Variants in SLX9 observed in about 807,000 individuals in gnomAD.
SLX9 encodes the protein ribosome biogenesis protein SLX9 homolog.
SLX9 carries 19 observed loss-of-function variants against 20.8 expected under a neutral mutation model. The observed-to-expected ratio is 0.91, with a 90% CI of 0.64 to 1.34. The LOEUF (loss-of-function observed/expected upper bound fraction) is 1.34, where lower values mean the gene tolerates loss of function less well. SLX9 is among the 40% of genes most tolerant of loss of function. The pLI is 0.00. For missense variants in SLX9, 299 were observed against 322.2 expected (o/e 0.93, Z 0.55); for synonymous variants, 113 against 137.1 (o/e 0.82, Z 1.23).
Position 44,943,779 on chromosome 21 carries a change from T to G in SLX9, c.225T>G (p.Thr75=), listed in dbSNP as rs755561561. The change falls in exon 2 of 6, where the codon ACT becomes ACG. Residue 75 remains threonine (T), a synonymous_variant. Transcript: ENST00000291634. ...TGGAGCTGGACGTGAGGAGTGTCACTTCCGTCAGGAGAGGTGAGGCAGGCT... is the reference window on the plus strand; with the variant it reads ...TGGAGCTGGACGTGAGGAGTGTCACGTCCGTCAGGAGAGGTGAGGCAGGCT... ...QKLELDVRSV[T]SVRRGEAGSS... is the part of the protein sequence containing the mutation. 1.9e-6 allele frequency: 3 copies of G among 1,614,100 alleles called. No homozygotes were observed. Among genetic ancestry groups the G allele is most frequent in the Non-Finnish European group, 2.5e-6 (3 of 1,180,020 alleles).
chr21:44,971,263 A>G (rs1407286464), intron 4 of SLX9, among the ~76,000 whole-genome samples: 2 of 152,090 alleles, frequency 1.3e-5, no homozygotes, highest in Non-Finnish European at 2.9e-5. Context: ...TTAGGCTCCA[A>G]TTCCTCCTCG....
intron 2 of SLX9, among the ~76,000 whole-genome samples, chr21:44,944,877 G>T (rs1388617605): frequency 6.6e-6 from 1 of 152,248 alleles, no homozygotes; most frequent in Non-Finnish European, 1.5e-5. Flanking sequence ...CTTTGCATCT[G>T]TCAAAGGAGG....
At chr21:44,969,664 C>G (rs1462886387) in intron 4 of SLX9, among the ~76,000 whole-genome samples, 1 of 152,240 alleles carries the variant, frequency 6.6e-6, no homozygotes, top group African/African-American at 2.4e-5. Flanking sequence ...CCCCCGTCCC[C>G]GCATGCTGTT....
At chr21:44,955,713 C>T (rs1379237457) in intron 2 of SLX9, among the ~76,000 whole-genome samples, 3 of 152,196 alleles carry the variant, frequency 2.0e-5, no homozygotes, top group African/African-American at 7.2e-5. Flanking sequence ...TGTGTGTCTG[C>T]CCCTGCTGCT....
At chr21:44,962,460 C>G (rs1226022624) in intron 3 of SLX9, among the ~76,000 whole-genome samples, 1 of 152,188 alleles carries the variant, frequency 6.6e-6, no homozygotes, top group African/African-American at 2.4e-5. Context: ...TGCTTTTGCT[C>G]AGCGTAATGG....
At chr21:44,963,291 G>A (rs528464059) in intron 3 of SLX9, among the ~76,000 whole-genome samples, 3 of 151,728 alleles carry the variant, frequency 2.0e-5, no homozygotes, top group East Asian at 1.9e-4. Flanking sequence ...GGGTTTCACC[G>A]TGTTAGCAGG....
intron 2 of SLX9, among the ~76,000 whole-genome samples, chr21:44,954,273 G>T (rs558738465): frequency 3.3e-5 from 5 of 152,296 alleles, no homozygotes; most frequent in African/African-American, 1.2e-4. Context: ...TGCGTCTTCT[G>T]GCCGGTGGGT....
At chr21:44,975,019 A>G (rs1026086813) in intron 5 of SLX9, among the ~76,000 whole-genome samples, 6 of 152,144 alleles carry the variant, frequency 3.9e-5, no homozygotes, top group Non-Finnish European at 8.8e-5. Context: ...GGTTTCATCA[A>G]AGATGGAGTT....
At chr21:44,958,781 C>T (rs1046980402) in intron 2 of SLX9, among the ~76,000 whole-genome samples, 3 of 152,150 alleles carry the variant, frequency 2.0e-5, no homozygotes, top group African/African-American at 2.4e-5. Context: ...GCAGGAGCAG[C>T]GTGTTTGGTT....
chr21:44,974,371 C>T (rs2085223058), intron 5 of SLX9, among the ~76,000 whole-genome samples: 2 of 152,108 alleles, frequency 1.3e-5, no homozygotes, highest in Admixed American at 6.5e-5. Flanking sequence ...AAGCTGGTGT[C>T]GAATGGTAGC....
At chr21:44,961,201 G>A (rs2084944424) in intron 3 of SLX9, among the ~76,000 whole-genome samples, 1 of 152,086 alleles carries the variant, frequency 6.6e-6, no homozygotes, top group South Asian at 2.1e-4. Context: ...GTAATTCTTT[G>A]ATGATGTGTA....
At chr21:44,974,213 C>T (rs556676519) in intron 5 of SLX9, among the ~76,000 whole-genome samples, 3 of 151,346 alleles carry the variant, frequency 2.0e-5, no homozygotes, top group Non-Finnish European at 2.9e-5. Flanking sequence ...TTTGAAATGG[C>T]TTTACTCAGG....
At position 44,973,240 on chromosome 21, in the gene SLX9, A is replaced by C; in HGVS notation, c.544A>C (p.Ser182Arg). ...CCGGCCCTCAGAGCTCAGCCGGATGAGCGCAGCCCAGAGACAGCAGCTTCT... is the reference window on the plus strand; with the variant it reads ...CCGGCCCTCAGAGCTCAGCCGGATGCGCGCAGCCCAGAGACAGCAGCTTCT... ...KPRPSELSRM[S>R]AAQRQQLLEE... Residue 182 changes from serine to arginine, a missense_variant, in exon 5 of 6, where the codon AGC becomes CGC. Physicochemically the swap from Ser to Arg is moderately radical, Grantham distance 110. Coordinates refer to ENST00000291634, the MANE Select transcript of SLX9 (RefSeq NM_058190.4). The C allele has an allele frequency of 1.2e-6, 2 of 1,612,774 alleles. No individual in the cohort carries two copies. The highest frequency in any genetic ancestry group is 1.7e-6 in the Non-Finnish European group (2 of 1,179,714).
In SLX9 at chr21:44,976,908, C is replaced by G; in HGVS notation, c.*105C>G. On this transcript the variant is annotated 3_prime_UTR_variant, in exon 6 of 6. Coordinates refer to ENST00000291634, the MANE Select transcript of SLX9 (RefSeq NM_058190.4). ...CTGAGCCTGGTGGACGCCCTTCCCT[C>G]TGGTCGGTTGTGGGGCTCAATAAAT... 1 of 1,471,740 alleles carries G rather than the reference C, an allele frequency of 6.8e-7. No homozygotes were observed. Among genetic ancestry groups the G allele is most frequent in the South Asian group, 1.2e-5 (1 of 81,012 alleles). The allele number at this position is 1,471,740 out of a possible 1,614,324, so 91.2% of individuals were successfully genotyped here.
At chr21:44,948,080 C>T (rs949048084) in intron 2 of SLX9, among the ~76,000 whole-genome samples, 11 of 152,246 alleles carry the variant, frequency 7.2e-5, no homozygotes, top group Non-Finnish European at 8.8e-5. Flanking sequence ...GGCAGCCGGC[C>T]GGGTGTCCAG....
At chr21:44,967,914 G>A (rs1023214553) in intron 4 of SLX9, among the ~76,000 whole-genome samples, 6 of 152,266 alleles carry the variant, frequency 3.9e-5, no homozygotes, top group South Asian at 4.1e-4. Flanking sequence ...GCCTCACCAC[G>A]GGTCTGGATG....
intron 2 of SLX9, among the ~76,000 whole-genome samples, chr21:44,946,325 C>T (rs2084641206): frequency 6.6e-6 from 1 of 152,178 alleles, no homozygotes; most frequent in Non-Finnish European, 1.5e-5. Context: ...GTGGCCCGTT[C>T]TGGCGCTCCC....
At chr21:44,940,536 C>T (rs1424000419) in intron 1 of SLX9, among the ~76,000 whole-genome samples, 1 of 152,226 alleles carries the variant, frequency 6.6e-6, no homozygotes, top group Non-Finnish European at 1.5e-5. Flanking sequence ...GAACGGAGAG[C>T]AAACTGAAGA....
At chr21:44,968,832 C>A (rs1294322175) in intron 4 of SLX9, among the ~76,000 whole-genome samples, 1 of 150,832 alleles carries the variant, frequency 6.6e-6, no homozygotes, top group Non-Finnish European at 1.5e-5. Flanking sequence ...TGGCTCACTG[C>A]AAGCTCCGCC....
Sources: allele counts gnomAD v4.1 joint callset (sites outside exome capture counted in the v4.1 genomes callset), GRCh38; gene constraint gnomAD v4.1.1; transcripts MANE v1.5; gene names NCBI Gene and HGNC (gene_info 2026-07-23, HGNC 2026-07-21).